The following CACNA2D3 variants were observed in gnomAD, a reference collection of about 807,000 sequenced individuals.
The protein encoded by CACNA2D3 is voltage-dependent calcium channel subunit alpha-2/delta-3.
A neutral mutation model predicts 160.6 loss-of-function variants in CACNA2D3; 60 were observed. The observed-to-expected ratio is 0.37, with a 90% CI of 0.30 to 0.46. The LOEUF (loss-of-function observed/expected upper bound fraction) is 0.46, where lower values mean the gene tolerates loss of function less well. Among genes scored for constraint, CACNA2D3 ranks in the 20% least tolerant of loss-of-function variants. The pLI is 1.00. For missense variants in CACNA2D3, 1,205 were observed against 1,365.0 expected (o/e 0.88, Z 1.85); for synonymous variants, 558 against 492.9 (o/e 1.13, Z -1.75).
rs138012963 is a variant in CACNA2D3, at chr3:54,437,226, C to G, written c.381+50452C>G. 3.3e-5 allele frequency among the ~76,000 whole-genome samples: 5 copies of G among 152,280 alleles called. No individual in the cohort carries two copies. In the East Asian group the frequency reaches 7.7e-4, roughly 24 times the overall value. On this transcript the variant is annotated intron_variant, in intron 4 of 37. Coordinates refer to ENST00000474759, the MANE Select transcript of CACNA2D3 (RefSeq NM_018398.3). Reference sequence around the variant, plus strand: ...TTGCTTTTTTATTCAATAGTTTTTTCAATGAGCCGTCGTAACGACTGTGTT... The same window carrying G: ...TTGCTTTTTTATTCAATAGTTTTTTGAATGAGCCGTCGTAACGACTGTGTT...
intron 5 of CACNA2D3, among the ~76,000 whole-genome samples, chr3:54,518,645 G>C (rs900926877): frequency 6.6e-6 from 1 of 152,170 alleles, no homozygotes; most frequent in African/African-American, 2.4e-5. Flanking sequence ...TTTTATTCTA[G>C]AGTTTTGGGT....
At chr3:54,626,631 C>G in intron 9 of CACNA2D3, 1 of 1,198,882 alleles carries the variant, frequency 8.3e-7, no homozygotes, top group Non-Finnish European at 1.2e-6. Flanking sequence ...ACTCCTCCCG[C>G]TTCATCCCTC....
chr3:54,899,263 A>G lies in CACNA2D3; in HGVS notation c.2369-525A>G, dbSNP rs143499573. On this transcript the variant is annotated intron_variant, in intron 26 of 37. Transcript: ENST00000474759. Reference sequence around the variant, plus strand: ...ATAATAATAGTTTGGAGTGAAGATTATGCTCTAGCTCTATCCCTGTTTAGA... The same window carrying G: ...ATAATAATAGTTTGGAGTGAAGATTGTGCTCTAGCTCTATCCCTGTTTAGA... Among the ~76,000 whole-genome samples the G allele has an allele frequency of 4.0e-3, 610 of 152,372 alleles. 5 individuals carry two copies. The highest frequency in any genetic ancestry group is 0.014 in the African/African-American group (585 of 41,590).
intron 4 of CACNA2D3, among the ~76,000 whole-genome samples, chr3:54,405,943 G>A (rs1224398521): frequency 6.6e-6 from 1 of 151,812 alleles, no homozygotes; most frequent in East Asian, 1.9e-4. Context: ...CGGATACACA[G>A]AAAGGGGCTC....
intron 14 of CACNA2D3, among the ~76,000 whole-genome samples, chr3:54,822,790 C>CTTTCTTTCTTTCCTTTCTTTCTTTCTTT (rs1491160047): frequency 4.2e-5 from 3 of 71,892 alleles, no homozygotes; most frequent in Non-Finnish European, 8.0e-5. Flanking sequence ...TTCTTTCTTT[C>CTTTCTTTCTTTCCTTTCTTTCTTTCTTT]CTTTCTTTCT....
chr3:54,324,581 G>T (rs990889418), intron 3 of CACNA2D3, among the ~76,000 whole-genome samples: 1 of 151,840 alleles, frequency 6.6e-6, no homozygotes, highest in African/African-American at 2.4e-5. Context: ...TCACACCCAC[G>T]CAGAGGCTAG....
rs771458857 is a variant in CACNA2D3, at chr3:54,885,540, A to G, written c.2010A>G (p.Leu670=). The G allele has an allele frequency of 1.2e-6, 2 of 1,613,744 alleles. No individual in the cohort carries two copies. The highest frequency in any genetic ancestry group is 1.7e-6 in the Non-Finnish European group (2 of 1,179,788). Residue 670 remains leucine (L), a synonymous_variant, in exon 23 of 38, where the codon TTA becomes TTG. Coordinates refer to ENST00000474759, the MANE Select transcript of CACNA2D3 (RefSeq NM_018398.3). The stretch of plus-strand genomic sequence containing the variant: ...CTGAGCACCGCCATCTGTCTCAGTT[A>G]GAAGCGATTAAGCTCTACCTAAAAG... ...LHPEHRHLSQ[L]EAIKLYLKGK... is the part of the protein sequence containing the mutation.
At chr3:54,908,135 GT>G (rs1170426242) in intron 27 of CACNA2D3, among the ~76,000 whole-genome samples, 4 of 152,196 alleles carry the variant, frequency 2.6e-5, no homozygotes, top group Non-Finnish European at 5.9e-5. Flanking sequence ...CTGCAAAACT[GT>G]TTTCCAAAGT....
chr3:54,708,003 G>C (rs1204102676), intron 11 of CACNA2D3, among the ~76,000 whole-genome samples: 1 of 152,192 alleles, frequency 6.6e-6, no homozygotes, highest in Non-Finnish European at 1.5e-5. Context: ...AGAGAGGCTA[G>C]AGATGTGCAT....
chr3:54,570,498 A>G (rs955075537), intron 8 of CACNA2D3, among the ~76,000 whole-genome samples: 1 of 151,704 alleles, frequency 6.6e-6, no homozygotes, highest in African/African-American at 2.4e-5. Flanking sequence ...ATTGACGATG[A>G]TAATAATTGA....
chr3:54,168,866 G>A (rs910407782), intron 2 of CACNA2D3, among the ~76,000 whole-genome samples: 5 of 152,156 alleles, frequency 3.3e-5, no homozygotes, highest in African/African-American at 1.2e-4. Context: ...TGACCTGTAG[G>A]TGCCGCATCC....
At chr3:54,976,426 T>C (rs772808341) in intron 29 of CACNA2D3, among the ~76,000 whole-genome samples, 4 of 152,062 alleles carry the variant, frequency 2.6e-5, no homozygotes, top group African/African-American at 9.7e-5. Context: ...GTCACATGTA[T>C]ACATATGTAA....
At chr3:54,298,794 G>C (rs1703399637) in intron 2 of CACNA2D3, among the ~76,000 whole-genome samples, 1 of 140,932 alleles carries the variant, frequency 7.1e-6, no homozygotes, top group African/African-American at 2.5e-5. Context: ...GAAGGAAAGT[G>C]GAGGCCAGGT....
At chr3:54,508,178 C>T (rs1050884539) in intron 5 of CACNA2D3, among the ~76,000 whole-genome samples, 5 of 152,232 alleles carry the variant, frequency 3.3e-5, no homozygotes, top group African/African-American at 4.8e-5. Context: ...GTCAGAAAGG[C>T]AGTTATGGAG....
chr3:54,400,160 G>C (rs868679221), intron 4 of CACNA2D3, among the ~76,000 whole-genome samples: 1 of 144,738 alleles, frequency 6.9e-6, no homozygotes, highest in African/African-American at 2.6e-5. Flanking sequence ...GCTTCGGCTC[G>C]CGCACGGTGC....
At chr3:54,817,148 A>G (rs939483466) in intron 14 of CACNA2D3, among the ~76,000 whole-genome samples, 4 of 152,240 alleles carry the variant, frequency 2.6e-5, no homozygotes, top group African/African-American at 9.6e-5. Context: ...TAATAGGTCA[A>G]GAATAAGTTT....
chr3:54,622,760 CT>C (rs1699017183), intron 9 of CACNA2D3, among the ~76,000 whole-genome samples: 1 of 152,206 alleles, frequency 6.6e-6, no homozygotes, highest in African/African-American at 2.4e-5. Flanking sequence ...CAGCCAGCCC[CT>C]TCCTTTGCTT....
In CACNA2D3 at chr3:54,498,721, ACTT is replaced by A. The variant is rs1422600066; in HGVS notation, c.382-4765_382-4763del. Among the ~76,000 whole-genome samples, 8 of 151,828 alleles carry A rather than the reference ACTT, an allele frequency of 5.3e-5. No homozygotes were observed. In the East Asian group the frequency reaches 7.7e-4, roughly 15 times the overall value. ...TATATTATAAGCTTTTAAATGTGTA[ACTT>A]CTTCTCTAAGCTCTGCTTTCGTTGC... On this transcript the variant is annotated intron_variant, in intron 4 of 37. Transcript: ENST00000474759.
chr3:54,539,872 C>A (rs1701945076), intron 5 of CACNA2D3, among the ~76,000 whole-genome samples: 1 of 152,082 alleles, frequency 6.6e-6, no homozygotes, highest in Non-Finnish European at 1.5e-5. Context: ...TATTTTAGGA[C>A]CAGTTTTGCA....
Sources: gnomAD v4.1 joint callset for allele counts (sites outside exome capture counted in the v4.1 genomes callset) on GRCh38, gnomAD v4.1.1 for gene constraint, MANE v1.5 for transcripts, NCBI Gene and HGNC (gene_info 2026-07-23, HGNC 2026-07-21) for gene names.